SGCD: variants seen among roughly 807,000 people sequenced by gnomAD.
SGCD encodes the protein delta-sarcoglycan.
In SGCD, 18 loss-of-function variants were observed where a neutral mutation model predicts 36.6. The ratio of observed to expected loss-of-function variants is 0.49; its 90% CI spans 0.34 to 0.73. The LOEUF is 0.73. Among genes scored for constraint, SGCD ranks in the 30% least tolerant of loss-of-function variants. The probability of loss-of-function intolerance (pLI) is 0.01; values close to 1 mark genes in which losing one functional copy is unlikely to be tolerated. For synonymous variants in SGCD, 133 were observed against 130.6 expected (o/e 1.02, Z -0.12); for missense variants, 387 against 346.7 (o/e 1.12, Z -0.92).
At chr5:155,964,218 AC>A (rs1285864210) in intron 1 of SGCD, among the ~76,000 whole-genome samples, 1 of 152,116 alleles carries the variant, frequency 6.6e-6, no homozygotes, top group Admixed American at 6.6e-5. Context: ...TGAGAAAAAC[AC>A]TTTTTTTAGA....
intron 1 of SGCD, among the ~76,000 whole-genome samples, chr5:155,872,095 T>C (rs1040646120): frequency 6.6e-6 from 1 of 152,178 alleles, no homozygotes; most frequent in Non-Finnish European, 1.5e-5. Context: ...GGTGGAGGGC[T>C]GTCTGCCTTT....
the SGCD span, among the ~76,000 whole-genome samples, chr5:155,833,211 C>T: frequency 6.6e-6 from 1 of 150,920 alleles, no homozygotes; most frequent in Non-Finnish European, 1.5e-5. Flanking sequence ...GCCTGGGTGA[C>T]ACAGAGAGAA....
At chr5:156,185,307 C>T (rs373660370) in intron 3 of SGCD, among the ~76,000 whole-genome samples, 104 of 150,712 alleles carry the variant, frequency 6.9e-4, no homozygotes, top group East Asian at 5.7e-3. Context: ...CTCCGCCTCC[C>T]GGGTTCACAC....
intron 3 of SGCD, among the ~76,000 whole-genome samples, chr5:156,274,011 C>A (rs1766251180): frequency 6.6e-6 from 1 of 152,042 alleles, no homozygotes; most frequent in African/African-American, 2.4e-5. Context: ...TCTGAGAGGC[C>A]ACTGAAGCTC....
intron 3 of SGCD, among the ~76,000 whole-genome samples, chr5:156,256,515 C>T: frequency 6.6e-6 from 1 of 152,142 alleles, no homozygotes; most frequent in Admixed American, 6.5e-5. Flanking sequence ...TTTTTATTGT[C>T]TAGTATCATT....
chr5:155,959,517 C>A (rs1325454160), intron 1 of SGCD, among the ~76,000 whole-genome samples: 4 of 152,078 alleles, frequency 2.6e-5, no homozygotes, highest in Non-Finnish European at 1.5e-5. Context: ...TCCTAAGACT[C>A]CCCCAACATT....
chr5:156,431,882 A>G (rs1208429205), intron 3 of SGCD, among the ~76,000 whole-genome samples: 1 of 151,914 alleles, frequency 6.6e-6, no homozygotes, highest in Non-Finnish European at 1.5e-5. Context: ...TGCCCAGCTA[A>G]TTTTTGTATT....
At chr5:156,523,571 C>T (rs1757500957) in intron 4 of SGCD, among the ~76,000 whole-genome samples, 1 of 152,142 alleles carries the variant, frequency 6.6e-6, no homozygotes, top group Admixed American at 6.5e-5. Context: ...TTGCCTCACA[C>T]AGTATTTTTC....
At chr5:156,676,800 A>G (rs2113672317) in intron 7 of SGCD, among the ~76,000 whole-genome samples, 1 of 152,286 alleles carries the variant, frequency 6.6e-6, no homozygotes, top group South Asian at 2.1e-4. Flanking sequence ...TGCTAAACAC[A>G]TAAATACCAC....
At chr5:156,395,524 A>G (rs534658410) in intron 3 of SGCD, among the ~76,000 whole-genome samples, 1 of 151,978 alleles carries the variant, frequency 6.6e-6, no homozygotes, top group East Asian at 1.9e-4. Flanking sequence ...TAGATGGGGG[A>G]ATGGTTTTCT....
intron 3 of SGCD, among the ~76,000 whole-genome samples, chr5:156,391,656 A>G (rs1771576818): frequency 6.6e-6 from 1 of 152,228 alleles, no homozygotes; most frequent in African/African-American, 2.4e-5. Context: ...TATTATATAC[A>G]AGGACTACAC....
intron 3 of SGCD, among the ~76,000 whole-genome samples, chr5:156,238,987 C>T (rs1302784509): frequency 6.6e-6 from 1 of 152,148 alleles, no homozygotes; most frequent in Non-Finnish European, 1.5e-5. Context: ...CAAAGACATT[C>T]TGAATGGTGG....
intron 3 of SGCD, among the ~76,000 whole-genome samples, chr5:156,234,922 G>C: frequency 6.6e-6 from 1 of 152,082 alleles, no homozygotes; most frequent in Non-Finnish European, 1.5e-5. Flanking sequence ...CCTATACCTG[G>C]GCTTTCTATT....
At chr5:155,903,939 G>A (rs1206748300) in intron 1 of SGCD, among the ~76,000 whole-genome samples, 1 of 152,152 alleles carries the variant, frequency 6.6e-6, no homozygotes, top group Non-Finnish European at 1.5e-5. Flanking sequence ...AGCTTTGGCT[G>A]CGTGTCAGAA....
At position 156,203,183 on chromosome 5, in the gene SGCD, A is replaced by G. The variant is rs1317073789; in HGVS notation, c.-44+79164A>G. Among the ~76,000 whole-genome samples, 6 of 152,158 alleles carry G rather than the reference A, an allele frequency of 3.9e-5. 1 individual carries two copies. In the South Asian group the frequency reaches 1.0e-3, roughly 26 times the overall value. On this transcript the variant is annotated intron_variant, in intron 3 of 9. Transcript: ENST00000517913. ...ACATGTACTTTTCATTAGTGCCTCT[A>G]TTTGCTGTGGCATTTTCTGTATCAT...
chr5:156,158,161 A>G (rs1236546080), intron 3 of SGCD, among the ~76,000 whole-genome samples: 2 of 151,406 alleles, frequency 1.3e-5, no homozygotes, highest in African/African-American at 4.9e-5. Flanking sequence ...GCTACTGATC[A>G]TGACTGAATA....
intron 3 of SGCD, among the ~76,000 whole-genome samples, chr5:156,506,504 C>T (rs558094628): frequency 6.6e-6 from 1 of 152,172 alleles, no homozygotes; most frequent in Non-Finnish European, 1.5e-5. Context: ...GGGCTTCTTA[C>T]TAAAAATGGC....
At chr5:156,070,570 A>G (rs1043742244) in intron 1 of SGCD, among the ~76,000 whole-genome samples, 2 of 151,516 alleles carry the variant, frequency 1.3e-5, no homozygotes, top group African/African-American at 4.9e-5. Context: ...AGTGTTCATC[A>G]AGGATATTGG....
upstream of SGCD, among the ~76,000 whole-genome samples, chr5:156,324,748 T>A (rs1026124096): frequency 1.6e-4 from 24 of 149,774 alleles, no homozygotes; most frequent in African/African-American, 5.4e-4. Flanking sequence ...TAAAACTTCT[T>A]TTTTTTTTTC....
Sources: gnomAD v4.1 joint callset for allele counts (sites outside exome capture counted in the v4.1 genomes callset) on GRCh38, gnomAD v4.1.1 for gene constraint, MANE v1.5 for transcripts, NCBI Gene and HGNC (gene_info 2026-07-23, HGNC 2026-07-21) for gene names.